The following TMEM74 variants were observed in gnomAD, a reference collection of about 807,000 sequenced individuals.
TMEM74 encodes the protein transmembrane protein 74.
In TMEM74, 13 loss-of-function variants were observed where a neutral mutation model predicts 18.1. The ratio of observed to expected loss-of-function variants is 0.72; its 90% CI spans 0.47 to 1.14. The LOEUF (loss-of-function observed/expected upper bound fraction) is 1.14, where lower values mean the gene tolerates loss of function less well. Ranked by LOEUF, TMEM74 falls within the 50% of genes most tolerant of loss-of-function variation. The pLI, the probability that TMEM74 is intolerant of heterozygous loss-of-function variation, is 0.00. For synonymous variants in TMEM74, 159 were observed against 146.6 expected (o/e 1.08, Z -0.61); for missense variants, 372 against 375.9 (o/e 0.99, Z 0.09).
intron 1 of TMEM74, among the ~76,000 whole-genome samples, chr8:108,705,803 G>A (rs1467197557): frequency 6.6e-6 from 1 of 152,208 alleles, no homozygotes; most frequent in Non-Finnish European, 1.5e-5. Context: ...TTCAGTGAGA[G>A]TGTTGTATCA....
At chr8:108,606,879 T>C (rs1475779377) in exon 4 of TMEM74, 3 of 152,224 alleles carry the variant, frequency 2.0e-5, no homozygotes, top group Non-Finnish European at 4.4e-5. Flanking sequence ...ATTGTACTCA[T>C]GGTTTTGGAG....
chr8:108,637,685 C>T, intron 2 of TMEM74, among the ~76,000 whole-genome samples: 1 of 152,094 alleles, frequency 6.6e-6, no homozygotes, highest in East Asian at 1.9e-4. Context: ...CTTCTAGAGC[C>T]TACAGAAGGA....
intron 2 of TMEM74, among the ~76,000 whole-genome samples, chr8:108,628,198 G>A (rs1170289665): frequency 2.0e-5 from 3 of 152,056 alleles, no homozygotes; most frequent in African/African-American, 4.8e-5. Context: ...TATAATGGAA[G>A]TTGACCTAAG....
At chr8:108,638,244 TG>T (rs1812626762) in intron 2 of TMEM74, among the ~76,000 whole-genome samples, 3 of 152,188 alleles carry the variant, frequency 2.0e-5, no homozygotes, top group African/African-American at 7.2e-5. Flanking sequence ...AATTTGCTTT[TG>T]TAACCCTGCG....
At chr8:108,723,095 C>T (rs1291557631) in intron 1 of TMEM74, among the ~76,000 whole-genome samples, 2 of 152,124 alleles carry the variant, frequency 1.3e-5, no homozygotes. Flanking sequence ...CTGCAGTGAG[C>T]TCATTTGACC....
chr8:108,668,755 G>A (rs952519534), intron 1 of TMEM74, among the ~76,000 whole-genome samples: 40 of 152,168 alleles, frequency 2.6e-4, no homozygotes, highest in African/African-American at 7.9e-4. Flanking sequence ...TCTTATCAAA[G>A]CAAAATAAAC....
intron 2 of TMEM74, among the ~76,000 whole-genome samples, chr8:108,621,740 T>C (rs1294061656): frequency 6.6e-6 from 1 of 152,184 alleles, no homozygotes; most frequent in East Asian, 1.9e-4. Context: ...TCTTTGTTAC[T>C]AGTTGGGTGA....
chr8:108,732,034 G>A (rs184171999), intron 1 of TMEM74, among the ~76,000 whole-genome samples: 2 of 152,108 alleles, frequency 1.3e-5, no homozygotes, highest in Non-Finnish European at 2.9e-5. Flanking sequence ...TTTTCTTTCA[G>A]TTGCCTCCAC....
chr8:108,740,801 A>G (rs545210770), intron 1 of TMEM74, among the ~76,000 whole-genome samples: 1 of 152,306 alleles, frequency 6.6e-6, no homozygotes, highest in East Asian at 1.9e-4. Flanking sequence ...TATAAAGCTG[A>G]ACATGTGTCT....
At chr8:108,637,154 A>T (rs1812615074) in intron 2 of TMEM74, among the ~76,000 whole-genome samples, 1 of 152,174 alleles carries the variant, frequency 6.6e-6, no homozygotes, top group African/African-American at 2.4e-5. Flanking sequence ...TATATTCCAG[A>T]TGCATGCAGA....
At chr8:108,716,500 G>A (rs1813524148) in intron 1 of TMEM74, among the ~76,000 whole-genome samples, 1 of 151,982 alleles carries the variant, frequency 6.6e-6, no homozygotes, top group Admixed American at 6.6e-5. Flanking sequence ...TTATAGATTA[G>A]AAATTTTAAA....
rs997847740 is a variant in TMEM74, at chr8:108,697,982, C to T, written n.120-42545G>A. Among the ~76,000 whole-genome samples the T allele has an allele frequency of 5.3e-5, 8 of 152,126 alleles. No individual in the cohort carries two copies. The East Asian group carries it at 1.5e-3, about 29-fold the overall frequency. On this transcript the variant is annotated intron_variant and non_coding_transcript_variant, in intron 1 of 3. Coordinates refer to the TMEM74 transcript ENST00000518838. ...TACTGATCACCCTTTACCCTGAGTG[C>T]CTGCCCTGAGTGCCTGGACTCTGTG...
chr8:108,736,209 T>C (rs1374224579), intron 1 of TMEM74, among the ~76,000 whole-genome samples: 1 of 152,128 alleles, frequency 6.6e-6, no homozygotes, highest in Non-Finnish European at 1.5e-5. Flanking sequence ...ACTGTTAACA[T>C]AAGAAAGTAC....
At chr8:108,636,901 G>C (rs1812612309) in intron 2 of TMEM74, among the ~76,000 whole-genome samples, 1 of 152,006 alleles carries the variant, frequency 6.6e-6, no homozygotes, top group African/African-American at 2.4e-5. Context: ...GAAAGGAAAG[G>C]AAAGTTTGTC....
At chr8:108,673,541 AGAGAGCATAGCCAGAGAGTAGTCAGCT>A (rs1199262469) in intron 1 of TMEM74, among the ~76,000 whole-genome samples, 10 of 152,230 alleles carry the variant, frequency 6.6e-5, no homozygotes, top group African/African-American at 2.4e-4. Flanking sequence ...TCTGGCCAGC[AGAGAGCATAGCCAGAGAGTAGTCAGCT>A]GAGGGAGAGA....
intron 1 of TMEM74, among the ~76,000 whole-genome samples, chr8:108,760,913 A>C (rs1269637544): frequency 6.6e-6 from 1 of 151,984 alleles, no homozygotes; most frequent in African/African-American, 2.4e-5. Context: ...GTCAGTTAAA[A>C]GGGCCTCCTC....
At chr8:108,726,407 A>C (rs1813638850) in intron 1 of TMEM74, among the ~76,000 whole-genome samples, 1 of 152,222 alleles carries the variant, frequency 6.6e-6, no homozygotes, top group African/African-American at 2.4e-5. Flanking sequence ...CAAGCAATTT[A>C]AGATTGCAAA....
At chr8:108,752,521 G>A (rs1813913799) in intron 1 of TMEM74, among the ~76,000 whole-genome samples, 1 of 152,112 alleles carries the variant, frequency 6.6e-6, no homozygotes, top group African/African-American at 2.4e-5. Flanking sequence ...ATGCTTCACT[G>A]TCCACATGTA....
downstream of TMEM74, among the ~76,000 whole-genome samples, chr8:108,775,901 G>A (rs1814228508): frequency 6.6e-6 from 1 of 152,174 alleles, no homozygotes; most frequent in African/African-American, 2.4e-5. Context: ...CACTGATTAT[G>A]CCATTTCAGT....
Sources: allele counts gnomAD v4.1 joint callset (sites outside exome capture counted in the v4.1 genomes callset), GRCh38; gene constraint gnomAD v4.1.1; transcripts MANE v1.5; gene names NCBI Gene and HGNC (gene_info 2026-07-23, HGNC 2026-07-21).